The following CLIP2 variants were observed in gnomAD, a reference collection of about 807,000 sequenced individuals.
CLIP2 encodes CAP-Gly domain containing linker protein 2.
In CLIP2, 41 loss-of-function variants were observed where a neutral mutation model predicts 111.7. The observed-to-expected ratio is 0.37, with a 90% confidence interval of 0.29 to 0.48. CLIP2 has a LOEUF of 0.48. Ranked by LOEUF, CLIP2 falls within the 20% of genes least tolerant of loss-of-function variation. CLIP2 has a pLI of 0.99. For synonymous variants in CLIP2, 660 were observed against 644.2 expected, an observed-to-expected ratio of 1.02 and a Z score of -0.37; for missense variants, 1,160 against 1,422.1, an observed-to-expected ratio of 0.82 and a Z score of 2.96.
At chr7:74,360,113 C>T in intron 6 of CLIP2, 62 bp from the exon 7 acceptor site, 1 of 1,402,514 alleles carries the variant, frequency 7.1e-7, no homozygotes, top group Non-Finnish European at 9.7e-7. Flanking sequence ...CACCACACCA[C>T]CAACCTGGAC....
chr7:74,312,447 T>A (rs1254389229), intron 1 of CLIP2, among the ~76,000 whole-genome samples: 2 of 152,134 alleles, frequency 1.3e-5, no homozygotes, highest in African/African-American at 2.4e-5. Context: ...GTCCCCCAGC[T>A]GAGCCACGGG....
chr7:74,331,771 C>T (rs2116539621), intron 2 of CLIP2, among the ~76,000 whole-genome samples: 1 of 151,678 alleles, frequency 6.6e-6, no homozygotes, highest in East Asian at 1.9e-4. Flanking sequence ...GACGGGGTTT[C>T]ACCATGTTGG....
chr7:74,329,448 G>A (rs567092576), intron 2 of CLIP2, among the ~76,000 whole-genome samples: 13 of 152,220 alleles, frequency 8.5e-5, no homozygotes, highest in South Asian at 2.1e-4. Context: ...TGTGGTCACC[G>A]TGCTCATTGG....
rs571820400 is a variant in CLIP2, at chr7:74,311,256, G to C, written c.-67-6224G>C. Among the ~76,000 whole-genome samples, 6 of 152,280 alleles carry C rather than the reference G, an allele frequency of 3.9e-5. No individual in the cohort carries two copies. In the East Asian group the frequency reaches 9.6e-4, roughly 24 times the overall value. On this transcript the variant is annotated intron_variant, in intron 1 of 16. Transcript: ENST00000223398. ...AGCCTCCCAAAGTGCCGGGATTACA[G>C]GCATGAGCCACTGCACTCGGCCACT...
At chr7:74,323,735 ATG>A (rs1414280628) in intron 2 of CLIP2, among the ~76,000 whole-genome samples, 1 of 151,976 alleles carries the variant, frequency 6.6e-6, no homozygotes, top group Non-Finnish European at 1.5e-5. Flanking sequence ...CCTGGCCTAG[ATG>A]TCTTATGTTC....
intron 1 of CLIP2, among the ~76,000 whole-genome samples, chr7:74,291,703 C>A (rs997265015): frequency 6.6e-6 from 1 of 152,174 alleles, no homozygotes; most frequent in Non-Finnish European, 1.5e-5. Flanking sequence ...GTTTGTCCTT[C>A]TTCAGCACCC....
Position 74,376,858 on chromosome 7 carries a change from C to T in CLIP2, c.2421+36C>T, listed in dbSNP as rs989493290. ...GCCCCTCCTGCTGGGGCGGGAGGGT[C>T]GGGCTGGGGAGGGCTTGGCCTTTTG... is the stretch of plus-strand genomic sequence containing the variant. On this transcript the variant is annotated intron_variant, in intron 10 of 16. Coordinates refer to ENST00000223398, the MANE Select transcript of CLIP2 (RefSeq NM_003388.5). The surrounding 1 kb of genome is among the most constrained non-coding windows in gnomAD (Gnocchi z 7.1). 8.0e-6 allele frequency: 12 copies of T among 1,503,388 alleles called. No individual in the cohort carries two copies. Among genetic ancestry groups the T allele is most frequent in the South Asian group, 4.0e-5 (3 of 75,644 alleles). 93.1% of individuals were successfully genotyped at this position (1,503,388 alleles called of 1,614,324 possible).
intron 1 of CLIP2, among the ~76,000 whole-genome samples, chr7:74,303,686 C>T (rs1584307801): frequency 6.7e-6 from 1 of 148,190 alleles, no homozygotes; most frequent in African/African-American, 2.5e-5. Flanking sequence ...TGAAGGCAGG[C>T]GGATCACCTG....
Position 74,404,034 on chromosome 7 carries a change from C to G in CLIP2, c.*186C>G, listed in dbSNP as rs782171510. On this transcript the variant is annotated 3_prime_UTR_variant, in exon 17 of 17. Transcript: ENST00000223398. ...CCCTCGCCAGACCAGGACGCTTCCTCAAGCCCAGCCTTCTACAGAGAGTGT... is the reference window on the plus strand; with the variant it reads ...CCCTCGCCAGACCAGGACGCTTCCTGAAGCCCAGCCTTCTACAGAGAGTGT... The G allele has an allele frequency of 1.6e-4, 109 of 662,422 alleles. 1 individual carries two copies. Among genetic ancestry groups the G allele is most frequent in the South Asian group, 5.6e-4 (34 of 60,788 alleles). The allele number at this position is 662,422 out of a possible 1,614,324, so 41.0% of individuals were successfully genotyped here.
Position 74,401,509 on chromosome 7 carries a change from TCGGCAATTCCGGTTCTGCAAA to T in CLIP2, c.3077_3097del (p.Asn1026_Gly1032del), listed in dbSNP as rs1562734504. 6.2e-7 allele frequency: 1 copy of T among 1,613,976 alleles called. No homozygotes were observed. The highest frequency in any genetic ancestry group is 2.2e-5 in the East Asian group (1 of 44,872). ...TGTCTCCCCTAACTCTTCCAGACCA[TCGGCAATTCCGGTTCTGCAAA>T]CGGCATCCACCAGCAGGACAAAGCT... On this transcript the variant is annotated inframe_deletion, in exon 16 of 17. Transcript: ENST00000223398.
chr7:74,361,342 C>T (rs1001129592), intron 7 of CLIP2, among the ~76,000 whole-genome samples: 9 of 151,688 alleles, frequency 5.9e-5, no homozygotes, highest in Non-Finnish European at 4.4e-5. Context: ...CTCAGCCTCC[C>T]GAGTAGCTGG....
intron 11 of CLIP2, among the ~76,000 whole-genome samples, chr7:74,382,360 A>G (rs1386109337): frequency 7.1e-6 from 1 of 141,300 alleles, no homozygotes; most frequent in African/African-American, 2.7e-5. Context: ...GCTGGAGTGC[A>G]GTGGCACGAT....
rs1790779586 is a variant in CLIP2, at chr7:74,376,201, G to A, written c.1800G>A (p.Gln600=). ...QEVAGLKDKV[Q]QATSENMGLM... ...TGGCGGGCCTGAAGGACAAGGTTCA[G>A]CAGGCCACCAGCGAGAACATGGGGC... Residue 600 remains glutamine, a synonymous_variant, in exon 10 of 17, where the codon CAG becomes CAA. Coordinates refer to ENST00000223398, the MANE Select transcript of CLIP2 (RefSeq NM_003388.5). The surrounding 1 kb of genome is among the most constrained non-coding windows in gnomAD (Gnocchi z 7.1). 2.5e-6 allele frequency: 4 copies of A among 1,612,756 alleles called. No homozygotes were observed. Among genetic ancestry groups the A allele is most frequent in the Non-Finnish European group, 3.4e-6 (4 of 1,179,514 alleles).
At chr7:74,396,466 GT>G (rs2116705177) in intron 13 of CLIP2, among the ~76,000 whole-genome samples, 1 of 151,642 alleles carries the variant, frequency 6.6e-6, no homozygotes, top group Admixed American at 6.6e-5. Context: ...GGTTATGTGT[GT>G]GTGTGTGTGT....
chr7:74,384,190 AAAC>A (rs1214103845), intron 11 of CLIP2, among the ~76,000 whole-genome samples: 2 of 152,002 alleles, frequency 1.3e-5, no homozygotes, highest in East Asian at 1.9e-4. Context: ...ACTCCATCTC[AAAC>A]AACAACAACG....
Position 74,324,458 on chromosome 7 carries a change from G to A in CLIP2, c.121+6791G>A, listed in dbSNP as rs1789058232. On this transcript the variant is annotated intron_variant, in intron 2 of 16. Coordinates refer to ENST00000223398, the MANE Select transcript of CLIP2 (RefSeq NM_003388.5). ...TGTGTGGCGTGCCACCTGCTTCCTA[G>A]TCACATTGCCCGGTGGTCTGGGGAT... is the stretch of plus-strand genomic sequence containing the variant. Among the ~76,000 whole-genome samples the A allele has an allele frequency of 2.0e-5, 3 of 152,302 alleles. No homozygotes were observed. In the South Asian group the frequency reaches 6.2e-4, roughly 32 times the overall value.
chr7:74,354,073 G>A, intron 4 of CLIP2, 69 bp downstream of exon 4: 2 of 1,525,938 alleles, frequency 1.3e-6, no homozygotes, highest in Non-Finnish European at 1.8e-6. Flanking sequence ...AGGGGATGGA[G>A]ATGGGACATT....
At position 74,349,758 on chromosome 7, in the gene CLIP2, C is replaced by T. The variant is rs187677898; in HGVS notation, c.679-4122C>T. On this transcript the variant is annotated intron_variant, in intron 3 of 16. Transcript: ENST00000223398. Reference sequence around the variant, plus strand: ...CCTCCGGAGTACCTGGCATTACAGGCGTGCACCACCACGCCCCGCTAATTT... The same window carrying T: ...CCTCCGGAGTACCTGGCATTACAGGTGTGCACCACCACGCCCCGCTAATTT... Among the ~76,000 whole-genome samples, 904 of 151,214 alleles carry T rather than the reference C, an allele frequency of 6.0e-3. 3 individuals are homozygous for T. Among genetic ancestry groups the T allele is most frequent in the Non-Finnish European group, 9.4e-3 (639 of 67,846 alleles).
intron 4 of CLIP2, among the ~76,000 whole-genome samples, chr7:74,356,190 C>T (rs1467335821): frequency 6.6e-6 from 1 of 152,164 alleles, no homozygotes; most frequent in South Asian, 2.1e-4. Context: ...ATTGGCTGTT[C>T]ACAGCTGCAG....
Sources: allele counts gnomAD v4.1 joint callset (sites outside exome capture counted in the v4.1 genomes callset), GRCh38; gene constraint gnomAD v4.1.1; non-coding constraint Gnocchi (gnomAD v3.1); transcripts MANE v1.5; gene names NCBI Gene and HGNC (gene_info 2026-07-23, HGNC 2026-07-21).